The following NCOA3 variants were observed in gnomAD, a reference collection of about 807,000 sequenced individuals.
NCOA3 encodes CBP-interacting protein.
A neutral mutation model predicts 158.8 loss-of-function variants in NCOA3; 51 were observed. The ratio of observed to expected loss-of-function variants is 0.32; its 90% CI spans 0.26 to 0.41. The LOEUF (loss-of-function observed/expected upper bound fraction) is 0.41, where lower values mean the gene tolerates loss of function less well. Among genes scored for constraint, NCOA3 ranks in the 10% least tolerant of loss-of-function variants. The pLI is 1.00. For synonymous variants in NCOA3, 537 were observed against 592.4 expected (o/e 0.91, Z 1.36); for missense variants, 1,510 against 1,746.6 (o/e 0.86, Z 2.41).
At chr20:47,518,822 T>C (rs1206882) in intron 1 of NCOA3, among the ~76,000 whole-genome samples, 70,519 of 151,960 alleles carry the variant, frequency 0.46, 16,929 homozygotes, top group Middle Eastern at 0.61. Context: ...CTGACTCACA[T>C]GCACACGAAC....
At chr20:47,552,204 A>G (rs2425965) in intron 1 of NCOA3, among the ~76,000 whole-genome samples, 314 of 152,358 alleles carry the variant, frequency 2.1e-3, no homozygotes, top group African/African-American at 7.2e-3. Flanking sequence ...ACTTATAAAC[A>G]GCATTTTGTG....
At chr20:47,558,059 CT>C (rs111574647) in intron 1 of NCOA3, among the ~76,000 whole-genome samples, 334 of 135,080 alleles carry the variant, frequency 2.5e-3, no homozygotes, top group South Asian at 0.01. Context: ...AAATTTCTTT[CT>C]TTTTTTTTTT....
intron 2 of NCOA3, among the ~76,000 whole-genome samples, chr20:47,597,722 C>T (rs1477944365): frequency 6.6e-6 from 1 of 151,620 alleles, no homozygotes; most frequent in Non-Finnish European, 1.5e-5. Context: ...CTCCTGACCT[C>T]AGGTGATCCA....
Position 47,544,316 on chromosome 20 carries a change from C to CTTTT in NCOA3, c.-98-38849_-98-38846dup, listed in dbSNP as rs397866275. Reference sequence around the variant, plus strand: ...TTTATTTGTCTTTTATTTAATACTACTTTTTTTTTTTTTTTTTTTTTCCCT... The same window carrying CTTTT: ...TTTATTTGTCTTTTATTTAATACTACTTTTTTTTTTTTTTTTTTTTTTTTTCCCT... On this transcript the variant is annotated intron_variant, in intron 1 of 22. Coordinates refer to ENST00000371998, the MANE Select transcript of NCOA3 (RefSeq NM_181659.3). Among the ~76,000 whole-genome samples, 10 of 99,692 alleles carry CTTTT rather than the reference C, an allele frequency of 1.0e-4. 1 individual carries two copies. The highest frequency in any genetic ancestry group is 1.9e-4 in the African/African-American group (5 of 25,816). 65.4% of individuals were successfully genotyped at this position (99,692 alleles called of 152,430 possible).
chr20:47,638,539 T>G (rs1259976220), intron 13 of NCOA3, among the ~76,000 whole-genome samples: 2 of 151,584 alleles, frequency 1.3e-5, no homozygotes, highest in South Asian at 4.2e-4. Flanking sequence ...CAATTAAGAG[T>G]GGGGGGGAAA....
chr20:47,526,494 T>A, intron 1 of NCOA3, among the ~76,000 whole-genome samples: 1 of 152,174 alleles, frequency 6.6e-6, no homozygotes, highest in Non-Finnish European at 1.5e-5. Context: ...TGAACGAGAC[T>A]CCGTCTGCAA....
At chr20:47,580,457 G>A (rs972143484) in intron 1 of NCOA3, among the ~76,000 whole-genome samples, 2 of 152,014 alleles carry the variant, frequency 1.3e-5, no homozygotes, top group African/African-American at 4.8e-5. Context: ...TCGGGAGGCT[G>A]AGGCAGGAGA....
intron 1 of NCOA3, among the ~76,000 whole-genome samples, chr20:47,526,900 C>T (rs558295247): frequency 6.0e-4 from 92 of 152,322 alleles, no homozygotes; most frequent in Non-Finnish European, 9.8e-4. Flanking sequence ...GCCTCGGCCT[C>T]CCAAAGTGCT....
At chr20:47,614,381 T>C (rs1237387923) in intron 2 of NCOA3, among the ~76,000 whole-genome samples, 1 of 152,240 alleles carries the variant, frequency 6.6e-6, no homozygotes, top group Non-Finnish European at 1.5e-5. Flanking sequence ...TCCCAAGAAC[T>C]TGTTTTTTCT....
chr20:47,581,159 T>C (rs2085446226), intron 1 of NCOA3, among the ~76,000 whole-genome samples: 1 of 152,168 alleles, frequency 6.6e-6, no homozygotes, highest in Non-Finnish European at 1.5e-5. Context: ...AAAAATATTA[T>C]ATAAAATTAC....
chr20:47,583,775 G>A (rs1292574825), intron 2 of NCOA3, among the ~76,000 whole-genome samples: 1 of 152,102 alleles, frequency 6.6e-6, no homozygotes, highest in African/African-American at 2.4e-5. Flanking sequence ...GGGCAACAGA[G>A]CGAAACCCCA....
intron 18 of NCOA3, among the ~76,000 whole-genome samples, chr20:47,647,968 G>T: frequency 6.8e-6 from 1 of 146,384 alleles, no homozygotes; most frequent in East Asian, 2.0e-4. Flanking sequence ...AGGCTGGAGT[G>T]CAGTGGCATG....
chr20:47,510,432 C>CAA (rs59554529), intron 1 of NCOA3, among the ~76,000 whole-genome samples: 5 of 67,876 alleles, frequency 7.4e-5, no homozygotes, highest in African/African-American at 1.1e-4. Flanking sequence ...GACTCCATCT[C>CAA]AAAAAAAAAA....
intron 1 of NCOA3, among the ~76,000 whole-genome samples, chr20:47,537,740 C>T (rs139862694): frequency 1.4e-4 from 22 of 151,882 alleles, no homozygotes; most frequent in African/African-American, 4.4e-4. Flanking sequence ...TCACCACACC[C>T]GGCTAATTTT....
At chr20:47,622,201 T>A (rs1424186092) in intron 2 of NCOA3, 28 bp from the exon 3 acceptor site, 2 of 1,234,410 alleles carry the variant, frequency 1.6e-6, no homozygotes, top group South Asian at 2.6e-5. Context: ...TTAATGTACT[T>A]ATCTTATTTC....
At chr20:47,652,909 A>G in intron 21 of NCOA3, 22 bp from the exon 22 acceptor site, 7 of 1,612,772 alleles carry the variant, frequency 4.3e-6, no homozygotes, top group Non-Finnish European at 5.1e-6. Context: ...CAGAGGTAAT[A>G]TTACCATTTG....
chr20:47,514,713 CTT>C (rs143888226), intron 1 of NCOA3, among the ~76,000 whole-genome samples: 181 of 105,000 alleles, frequency 1.7e-3, no homozygotes, highest in African/African-American at 6.5e-3. Flanking sequence ...TTGTTTTTTG[CTT>C]TTTTTTTTTT....
At position 47,627,544 on chromosome 20, in the gene NCOA3, C is replaced by T; in HGVS notation, c.533-17C>T. On this transcript the variant is annotated splice_polypyrimidine_tract_variant and intron_variant, in intron 6 of 22. Transcript: ENST00000371998. ...TTACCAGCTTTTTAAAATGTCATTT[C>T]AATTTGTTTTCCAAAGTTAATGGAG... 2 of 1,580,292 alleles carry T rather than the reference C, an allele frequency of 1.3e-6. No individual in the cohort carries two copies. Among genetic ancestry groups the T allele is most frequent in the Non-Finnish European group, 1.7e-6 (2 of 1,163,302 alleles).
intron 1 of NCOA3, among the ~76,000 whole-genome samples, chr20:47,532,874 C>T (rs893588075): frequency 5.9e-5 from 9 of 151,774 alleles, no homozygotes; most frequent in African/African-American, 1.5e-4. Context: ...GAGGCTGAGG[C>T]GGGCGGATCA....
Sources: gnomAD v4.1 joint callset for allele counts (sites outside exome capture counted in the v4.1 genomes callset) on GRCh38, gnomAD v4.1.1 for gene constraint, MANE v1.5 for transcripts, NCBI Gene and HGNC (gene_info 2026-07-23, HGNC 2026-07-21) for gene names.